CNTNAP4: variants seen among roughly 807,000 people sequenced by gnomAD.
CNTNAP4 encodes contactin-associated protein-like 4.
A neutral mutation model predicts 148.4 loss-of-function variants in CNTNAP4; 98 were observed. The observed-to-expected ratio is 0.66, with a 90% CI of 0.56 to 0.78. CNTNAP4 has a LOEUF of 0.78. CNTNAP4 is among the 30% of genes least tolerant of loss of function. The pLI, the probability that CNTNAP4 is intolerant of heterozygous loss-of-function variation, is 0.00. For missense variants in CNTNAP4, 1,935 were observed against 1,565.6 expected (o/e 1.24, Z -3.98); for synonymous variants, 730 against 565.1 (o/e 1.29, Z -4.14).
chr16:76,283,234 A>G (rs1054510603), intron 1 of CNTNAP4, among the ~76,000 whole-genome samples: 2 of 152,020 alleles, frequency 1.3e-5, no homozygotes, highest in Non-Finnish European at 2.9e-5. Context: ...ATTTAAAGCT[A>G]TTCTACTTCA....
intron 3 of CNTNAP4, among the ~76,000 whole-genome samples, chr16:76,393,532 G>A (rs1597403839): frequency 6.6e-6 from 1 of 152,098 alleles, no homozygotes; most frequent in African/African-American, 2.4e-5. Context: ...GCCCCAAAGT[G>A]CTCACAGCCT....
Position 76,427,575 on chromosome 16 carries a change from A to T in CNTNAP4, c.514A>T (p.Ile172Phe), listed in dbSNP as rs371292569. ...CCCCAAGGGCAGAATTGGAATGCGA[A>T]TCGAAGTGTTCGGATGTGCATACAG... is the stretch of plus-strand genomic sequence containing the variant. Reference protein sequence around the residue: ...WNPKGRIGMRIEVFGCAYRSE... With the variant: ...WNPKGRIGMRFEVFGCAYRSE... The change falls in exon 4 of 24, where the codon ATC becomes TTC. Residue 172 changes from isoleucine to phenylalanine, a missense_variant. Transcript: ENST00000611870. 1.1e-5 allele frequency: 17 copies of T among 1,612,374 alleles called. No homozygotes were observed. In the Middle Eastern group the frequency reaches 4.9e-4, roughly 47 times the overall value.
chr16:76,316,783 T>C (rs974664722), intron 2 of CNTNAP4, among the ~76,000 whole-genome samples: 1 of 152,186 alleles, frequency 6.6e-6, no homozygotes, highest in African/African-American at 2.4e-5. Context: ...TCTACAATAA[T>C]ATACAATCCT....
intron 15 of CNTNAP4, among the ~76,000 whole-genome samples, chr16:76,500,603 T>C (rs2082594886): frequency 8.4e-6 from 1 of 118,908 alleles, no homozygotes; most frequent in Non-Finnish European, 1.7e-5. Flanking sequence ...AAATCTCTTT[T>C]TTTTTTTCCA....
intron 1 of CNTNAP4, among the ~76,000 whole-genome samples, chr16:76,305,378 A>T (rs890564918): frequency 6.6e-6 from 1 of 151,690 alleles, no homozygotes; most frequent in African/African-American, 2.4e-5. Flanking sequence ...TTGTTATTGC[A>T]TTTTCTAACT....
chr16:76,507,086 A>C (rs907134756), intron 15 of CNTNAP4, among the ~76,000 whole-genome samples: 3 of 96,852 alleles, frequency 3.1e-5, no homozygotes, highest in African/African-American at 7.7e-5. Flanking sequence ...AAAATGTAAA[A>C]TTTTCGTGGG....
At chr16:76,333,297 G>C (rs1963706190) in intron 2 of CNTNAP4, among the ~76,000 whole-genome samples, 5 of 152,058 alleles carry the variant, frequency 3.3e-5, no homozygotes, top group Admixed American at 3.3e-4. Flanking sequence ...TACGCTTTCT[G>C]TTTCTTGAAT....
intron 1 of CNTNAP4, among the ~76,000 whole-genome samples, chr16:76,298,533 G>T (rs1209530849): frequency 1.4e-5 from 2 of 139,978 alleles, no homozygotes; most frequent in Non-Finnish European, 3.1e-5. Flanking sequence ...TGTGTGTGAG[G>T]TAAGGGGCTG....
At chr16:76,423,478 G>A (rs2079265282) in intron 3 of CNTNAP4, among the ~76,000 whole-genome samples, 1 of 152,036 alleles carries the variant, frequency 6.6e-6, no homozygotes, top group African/African-American at 2.4e-5. Flanking sequence ...AGACATAAAT[G>A]TCCCTGTAAT....
intron 3 of CNTNAP4, among the ~76,000 whole-genome samples, chr16:76,423,372 C>A (rs2079261161): frequency 6.6e-6 from 1 of 151,882 alleles, no homozygotes; most frequent in African/African-American, 2.4e-5. Context: ...ATTTCAGGAC[C>A]CTCCCCACAA....
intron 12 of CNTNAP4, among the ~76,000 whole-genome samples, chr16:76,488,435 A>G (rs1168001139): frequency 6.6e-6 from 1 of 152,178 alleles, no homozygotes; most frequent in African/African-American, 2.4e-5. Flanking sequence ...GAAGGCAATA[A>G]TTCTGTGAAG....
At chr16:76,359,906 T>C (rs2013195448) in intron 3 of CNTNAP4, among the ~76,000 whole-genome samples, 1 of 152,208 alleles carries the variant, frequency 6.6e-6, no homozygotes, top group African/African-American at 2.4e-5. Flanking sequence ...TAGAAATTAT[T>C]TTAAATAGAT....
At chr16:76,399,770 C>T (rs1434012798) in intron 3 of CNTNAP4, among the ~76,000 whole-genome samples, 2 of 152,262 alleles carry the variant, frequency 1.3e-5, no homozygotes, top group South Asian at 4.1e-4. Flanking sequence ...TTTGATGCAT[C>T]TTTTGTTATG....
At chr16:76,538,676 G>A (rs2084323124) in intron 19 of CNTNAP4, among the ~76,000 whole-genome samples, 1 of 151,736 alleles carries the variant, frequency 6.6e-6, no homozygotes, top group Admixed American at 6.6e-5. Context: ...TTGAAATAAG[G>A]TGTCTTGTTG....
At chr16:76,329,714 T>C (rs1394772603) in intron 2 of CNTNAP4, among the ~76,000 whole-genome samples, 2 of 152,222 alleles carry the variant, frequency 1.3e-5, no homozygotes, top group Non-Finnish European at 2.9e-5. Context: ...CTTTTTTCTT[T>C]GATCTCTTTT....
rs77972630 is a variant in CNTNAP4 at position 76,427,247 on chromosome 16, C to T, written c.391-205C>T. On this transcript the variant is annotated intron_variant, in intron 3 of 23. Transcript: ENST00000611870. ...AATGGGGTGGTAGAATTTAAACTCT[C>T]TTAAGAAAAAAGAAAAGTTGAAGCG... 6.9e-3 allele frequency among the ~76,000 whole-genome samples: 1,055 copies of T among 152,136 alleles called. 9 individuals carry two copies. The highest frequency in any genetic ancestry group is 0.024 in the African/African-American group (995 of 41,514).
intron 3 of CNTNAP4, among the ~76,000 whole-genome samples, chr16:76,361,166 A>C (rs1426064090): frequency 6.6e-6 from 1 of 152,066 alleles, no homozygotes; most frequent in Non-Finnish European, 1.5e-5. Context: ...CATGAAATCT[A>C]ACGTCTTGAC....
At chr16:76,366,309 G>C (rs1288510732) in intron 3 of CNTNAP4, among the ~76,000 whole-genome samples, 1 of 152,062 alleles carries the variant, frequency 6.6e-6, no homozygotes, top group African/African-American at 2.4e-5. Context: ...GTAAGCCCCA[G>C]TGTCTGTTGT....
At chr16:76,333,487 T>G (rs576811168) in intron 2 of CNTNAP4, among the ~76,000 whole-genome samples, 16 of 152,188 alleles carry the variant, frequency 1.1e-4, no homozygotes, top group Non-Finnish European at 2.4e-4. Context: ...TGAGACATCA[T>G]TCTCCTATTT....
Sources: gnomAD v4.1 joint callset for allele counts (sites outside exome capture counted in the v4.1 genomes callset) on GRCh38, gnomAD v4.1.1 for gene constraint, MANE v1.5 for transcripts, NCBI Gene and HGNC (gene_info 2026-07-23, HGNC 2026-07-21) for gene names.